The following ZNF829 variants were observed in gnomAD, a reference collection of about 807,000 sequenced individuals.
The protein encoded by ZNF829 is zinc finger protein 829.
A neutral mutation model predicts 35.2 loss-of-function variants in ZNF829; 25 were observed. The observed-to-expected ratio is 0.71, with a 90% CI of 0.52 to 0.99. The LOEUF (loss-of-function observed/expected upper bound fraction) is 0.99, where lower values mean the gene tolerates loss of function less well. ZNF829 is among the 50% of genes least tolerant of loss of function. The pLI, the probability that ZNF829 is intolerant of heterozygous loss-of-function variation, is 0.00. For synonymous variants in ZNF829, 136 were observed against 163.2 expected (o/e 0.83, Z 1.27); for missense variants, 417 against 515.3 (o/e 0.81, Z 1.85).
chr19:36,903,284 T>C (rs192564148), intron 5 of ZNF829, among the ~76,000 whole-genome samples: 265 of 152,358 alleles, frequency 1.7e-3, no homozygotes, highest in African/African-American at 5.7e-3. Context: ...TGTTAGAGGA[T>C]GGCTATACCT....
chr19:36,902,950 C>G (rs913094287), intron 5 of ZNF829, among the ~76,000 whole-genome samples: 1 of 151,884 alleles, frequency 6.6e-6, no homozygotes, highest in African/African-American at 2.4e-5. Flanking sequence ...GCAGGAGAAT[C>G]GCTTGAACCC....
Position 36,892,412 on chromosome 19 carries a change from C to G in ZNF829, c.379G>C (p.Val127Leu), listed in dbSNP as rs765481709. 6.2e-7 allele frequency: 1 copy of G among 1,610,640 alleles called. No homozygotes were observed. The highest frequency in any genetic ancestry group is 8.5e-7 in the Non-Finnish European group (1 of 1,179,636). The change falls in exon 6 of 6, where the codon GTA becomes CTA. Residue 127 changes from valine to leucine, a missense_variant. Physicochemically the swap from Val to Leu is conservative, Grantham distance 32. Coordinates refer to ENST00000391711, the MANE Select transcript of ZNF829 (RefSeq NM_001037232.4). ...LSLKKRHFSQ[V>L]IITREDMSTF... ...GACATGTCTTCACGGGTAATTATTA[C>G]TTGACTGAAATGTCTCTTCTTTAGA...
chr19:36,900,287 T>C (rs904300977), intron 5 of ZNF829, among the ~76,000 whole-genome samples: 2 of 151,008 alleles, frequency 1.3e-5, no homozygotes, highest in African/African-American at 4.9e-5. Flanking sequence ...GAGGCAGAAG[T>C]TGCAGTGAGC....
intron 5 of ZNF829, chr19:36,907,135 A>G (rs1369560208): frequency 6.7e-6 from 1 of 149,350 alleles, no homozygotes; most frequent in East Asian, 1.9e-4. Flanking sequence ...ATATATGTAT[A>G]TATTCATAGA....
At chr19:36,898,641 T>C (rs911522055) in intron 5 of ZNF829, among the ~76,000 whole-genome samples, 2 of 152,190 alleles carry the variant, frequency 1.3e-5, no homozygotes, top group Non-Finnish European at 2.9e-5. Flanking sequence ...AGCATGGTAC[T>C]GTCATAAAAA....
chr19:36,904,896 A>G (rs916001323), intron 5 of ZNF829, among the ~76,000 whole-genome samples: 15 of 152,216 alleles, frequency 9.9e-5, no homozygotes, highest in African/African-American at 3.4e-4. Context: ...AAGTGGTAGG[A>G]GAGACAGAAA....
At chr19:36,907,008 A>G (rs1368620891) in intron 5 of ZNF829, 1 of 147,756 alleles carries the variant, frequency 6.8e-6, no homozygotes, top group Non-Finnish European at 1.5e-5. Context: ...GAATCGCTTG[A>G]ACCCAGGAGG....
At chr19:36,906,624 C>T (rs2073217503) in intron 5 of ZNF829, 1 of 152,144 alleles carries the variant, frequency 6.6e-6, no homozygotes, top group Non-Finnish European at 1.5e-5. Flanking sequence ...AGTAATTCCA[C>T]TCCTATGTAT....
rs990622782 is a variant in ZNF829, at chr19:36,892,096, C to G, written c.695G>C (p.Arg232Thr). 1.2e-6 allele frequency: 2 copies of G among 1,613,948 alleles called. No individual in the cohort carries two copies. The highest frequency in any genetic ancestry group is 1.7e-6 in the Non-Finnish European group (2 of 1,180,014). The change falls in exon 6 of 6, where the codon AGG becomes ACG. Residue 232 changes from arginine to threonine, a missense_variant. Arg to Thr is a moderately conservative substitution (Grantham distance 71, BLOSUM62 -1). Coordinates refer to ENST00000391711, the MANE Select transcript of ZNF829 (RefSeq NM_001037232.4). ...ATAGGGTTTCTCACCAGTGTGAATC[C>G]TCTGATGTTGAGAAAAATATGAACT... The part of the protein sequence containing the change: ...SCSSYFSQHQ[R>T]IHTGEKPYEC...
intron 5 of ZNF829, chr19:36,905,733 C>A (rs1403027340): frequency 6.6e-6 from 1 of 152,100 alleles, no homozygotes; most frequent in Admixed American, 6.6e-5. Context: ...CCACTGCGCC[C>A]GGCCTAATAC....
intron 5 of ZNF829, among the ~76,000 whole-genome samples, chr19:36,899,703 T>C (rs2073145144): frequency 6.6e-6 from 1 of 150,888 alleles, no homozygotes; most frequent in Non-Finnish European, 1.5e-5. Context: ...AGTAATACTC[T>C]ATTGTATACT....
intron 5 of ZNF829, among the ~76,000 whole-genome samples, chr19:36,893,923 T>G (rs1435651304): frequency 2.0e-5 from 3 of 152,160 alleles, no homozygotes; most frequent in Admixed American, 6.5e-5. Flanking sequence ...CCTTGGTAAT[T>G]ACCAAGAAGA....
chr19:36,901,283 AT>A (rs563906434), intron 5 of ZNF829, among the ~76,000 whole-genome samples: 153 of 152,330 alleles, frequency 1.0e-3, no homozygotes, highest in African/African-American at 3.6e-3. Flanking sequence ...ATATTGTACA[AT>A]TCCATTTATA....
rs908608147 is a variant in ZNF829 at position 36,916,272 on chromosome 19, C to G, written c.-346G>C. The stretch of plus-strand genomic sequence containing the variant: ...ACCCGGCCCAAGCCTCACCCTCACA[C>G]AGGAAAGCAGATGTGTTCTGGCCGG... On this transcript the variant is annotated 5_prime_UTR_variant, in exon 1 of 6. Coordinates refer to ENST00000391711, the MANE Select transcript of ZNF829 (RefSeq NM_001037232.4). This position sits in a 1 kb window ranked among gnomAD's most constrained non-coding sequence, Gnocchi z 5.3. 1 of 289,038 alleles carries G rather than the reference C, an allele frequency of 3.5e-6. No homozygotes were observed. The highest frequency in any genetic ancestry group is 2.2e-5 in the African/African-American group (1 of 45,312). The allele number at this position is 289,038 out of a possible 1,614,324, so 17.9% of individuals were successfully genotyped here.
chr19:36,915,697 A>C, intron 1 of ZNF829: 1 of 672,148 alleles, frequency 1.5e-6, no homozygotes, highest in South Asian at 1.8e-5. Flanking sequence ...TCCCGGGTTC[A>C]AGTGATTCTC....
intron 3 of ZNF829, chr19:36,912,821 A>T (rs1436643672): frequency 6.6e-6 from 1 of 152,160 alleles, no homozygotes; most frequent in Non-Finnish European, 1.5e-5. Context: ...GCATGGAGAA[A>T]CACCGTCTCT....
intron 1 of ZNF829, 36 bp from the exon 2 acceptor site, chr19:36,915,287 T>C (rs1487096892): frequency 1.3e-6 from 2 of 1,577,996 alleles, no homozygotes; most frequent in East Asian, 2.3e-5. Context: ...ATCGCATAGT[T>C]GACAGGACCC....
rs1355478523 is a variant in ZNF829 at position 36,916,100 on chromosome 19, A to G, written c.-174T>C. 3 of 641,430 alleles carry G rather than the reference A, an allele frequency of 4.7e-6. No individual in the cohort carries two copies. Among genetic ancestry groups the G allele is most frequent in the Non-Finnish European group, 7.7e-6 (3 of 387,108 alleles). 39.7% of individuals were successfully genotyped at this position (641,430 alleles called of 1,614,324 possible). A position where few individuals can be genotyped will look rare whatever the true frequency, so the allele number is the denominator to read the frequency against. ...GGCCACCAGGCCCTCTGGGAAATGT[A>G]GTCCAGAGCGGGACCCACGCCGATT... On this transcript the variant is annotated 5_prime_UTR_variant, in exon 1 of 6. Transcript: ENST00000391711. This position sits in a 1 kb window ranked among gnomAD's most constrained non-coding sequence, Gnocchi z 5.3.
At chr19:36,911,663 G>A (rs1216676296) in intron 3 of ZNF829, among the ~76,000 whole-genome samples, 2 of 152,114 alleles carry the variant, frequency 1.3e-5, no homozygotes, top group Non-Finnish European at 2.9e-5. Flanking sequence ...CCTCACCTTA[G>A]GACAAGCAAG....
Sources: allele counts gnomAD v4.1 joint callset (sites outside exome capture counted in the v4.1 genomes callset), GRCh38; gene constraint gnomAD v4.1.1; non-coding constraint Gnocchi (gnomAD v3.1); transcripts MANE v1.5; gene names NCBI Gene and HGNC (gene_info 2026-07-23, HGNC 2026-07-21).